Variants in SIRT5 observed in about 807,000 individuals in gnomAD.
SIRT5 encodes NAD-dependent protein deacylase sirtuin-5, mitochondrial.
SIRT5 carries 26 observed loss-of-function variants against 40.0 expected under a neutral mutation model. That is an observed-to-expected ratio of 0.65 (90% CI 0.48 to 0.90). The LOEUF is 0.90. Among genes scored for constraint, SIRT5 ranks in the 40% least tolerant of loss-of-function variants. The probability of loss-of-function intolerance (pLI) is 0.00; values close to 1 mark genes in which losing one functional copy is unlikely to be tolerated. For missense variants in SIRT5, 401 were observed against 402.4 expected (o/e 1.00, Z 0.03); for synonymous variants, 146 against 149.1 (o/e 0.98, Z 0.15).
chr6:13,585,408 A>C (rs1307587577), intron 3 of SIRT5, among the ~76,000 whole-genome samples: 2 of 146,166 alleles, frequency 1.4e-5, no homozygotes, highest in African/African-American at 2.6e-5. Flanking sequence ...CCACCCCCCG[A>C]CAGGCCCCAG....
chr6:13,604,821 G>C, intron 9 of SIRT5: 1 of 1,095,340 alleles, frequency 9.1e-7, no homozygotes, highest in Non-Finnish European at 1.1e-6. Flanking sequence ...AAATTCTTCA[G>C]CTTCATATTG....
chr6:13,579,003 C>T (rs899762329), intron 1 of SIRT5, among the ~76,000 whole-genome samples: 3 of 152,142 alleles, frequency 2.0e-5, no homozygotes, highest in Non-Finnish European at 4.4e-5. Flanking sequence ...AGGCAGGAGT[C>T]TTCACCCAGG....
chr6:13,580,352 C>T (rs749128908), intron 2 of SIRT5, among the ~76,000 whole-genome samples: 23 of 152,032 alleles, frequency 1.5e-4, no homozygotes, highest in Non-Finnish European at 2.5e-4. Flanking sequence ...GTAAAATTCA[C>T]GCTTTTTATT....
chr6:13,589,738 C>T (rs1045922875), intron 4 of SIRT5, among the ~76,000 whole-genome samples: 4 of 152,068 alleles, frequency 2.6e-5, no homozygotes, highest in African/African-American at 9.7e-5. Context: ...ACATTAGGGG[C>T]CAGCAAGAAA....
chr6:13,597,451 AAAGG>A (rs1761723166), intron 7 of SIRT5, among the ~76,000 whole-genome samples: 1 of 151,912 alleles, frequency 6.6e-6, no homozygotes, highest in Non-Finnish European at 1.5e-5. Flanking sequence ...AAAAAAAAAA[AAAGG>A]AAGATTTTTA....
intron 9 of SIRT5, chr6:13,605,127 A>G (rs1762930902): frequency 4.1e-6 from 4 of 985,528 alleles, no homozygotes; most frequent in African/African-American, 1.7e-5. Context: ...GCAGAATTGT[A>G]TATCTCGTGC....
intron 9 of SIRT5, among the ~76,000 whole-genome samples, chr6:13,602,416 C>T (rs1762510904): frequency 6.6e-6 from 1 of 151,758 alleles, no homozygotes; most frequent in African/African-American, 2.4e-5. Flanking sequence ...AGGAGAATCG[C>T]TTGAACCTGG....
chr6:13,592,568 C>G (rs189922003), intron 5 of SIRT5, among the ~76,000 whole-genome samples: 1 of 151,828 alleles, frequency 6.6e-6, no homozygotes, highest in Admixed American at 6.6e-5. Flanking sequence ...GTCGGTGGAC[C>G]CCACTGAGGC....
rs199914953 is a variant in SIRT5, at chr6:13,582,171, A to AC, written c.-35-1905_-35-1904insC. Among the ~76,000 whole-genome samples, 1,331 of 152,282 alleles carry AC rather than the reference A, an allele frequency of 8.7e-3. 27 individuals are homozygous for AC. Among genetic ancestry groups the AC allele is most frequent in the African/African-American group, 0.03 (1,265 of 41,554 alleles). Reference sequence around the variant, plus strand: ...ACTGGAAGGCATTGATAATCCAAACAATATATAAACACATATGGAAAATCC... The same window carrying AC: ...ACTGGAAGGCATTGATAATCCAAACACATATATAAACACATATGGAAAATCC... On this transcript the variant is annotated intron_variant, in intron 2 of 9. Transcript: ENST00000606117.
chr6:13,592,987 C>T (rs1399590839), intron 5 of SIRT5, among the ~76,000 whole-genome samples: 2 of 148,086 alleles, frequency 1.4e-5, no homozygotes, highest in Non-Finnish European at 3.0e-5. Flanking sequence ...GATCATAGCT[C>T]ATTGCAGCCT....
At chr6:13,610,464 C>A (rs969648676) in intron 9 of SIRT5, among the ~76,000 whole-genome samples, 3 of 152,212 alleles carry the variant, frequency 2.0e-5, no homozygotes, top group Non-Finnish European at 4.4e-5. Context: ...CAGATCTACA[C>A]CAGTATTCCA....
At chr6:13,579,841 T>C (rs986511650) in intron 2 of SIRT5, among the ~76,000 whole-genome samples, 6 of 152,244 alleles carry the variant, frequency 3.9e-5, no homozygotes, top group South Asian at 2.1e-4. Flanking sequence ...TTGTATATGT[T>C]TAAGTTTTTC....
chr6:13,601,323 G>A (rs757684005), intron 9 of SIRT5, among the ~76,000 whole-genome samples: 30 of 152,152 alleles, frequency 2.0e-4, no homozygotes, highest in Non-Finnish European at 3.1e-4. Context: ...ATCACCTGCC[G>A]TTCTTACTGG....
intron 5 of SIRT5, among the ~76,000 whole-genome samples, chr6:13,593,394 C>G (rs950042583): frequency 4.6e-5 from 7 of 152,140 alleles, no homozygotes; most frequent in African/African-American, 1.2e-4. Flanking sequence ...ACCTATTAAC[C>G]GAGCATCTTT....
Position 13,609,498 on chromosome 6 carries a change from C to T in SIRT5, c.858-2292C>T, listed in dbSNP as rs1175888641. Among the ~76,000 whole-genome samples, 3 of 152,314 alleles carry T rather than the reference C, an allele frequency of 2.0e-5. No homozygotes were observed. In the East Asian group the frequency reaches 5.8e-4, roughly 29 times the overall value. On this transcript the variant is annotated intron_variant, in intron 9 of 9. Coordinates refer to ENST00000606117, the MANE Select transcript of SIRT5 (RefSeq NM_012241.5). ...TGGCTGGCAAAGTAGGCCAGGGTCCCACTTCCCCAGAAACTATAATACCAA... is the reference window on the plus strand; with the variant it reads ...TGGCTGGCAAAGTAGGCCAGGGTCCTACTTCCCCAGAAACTATAATACCAA...
intron 7 of SIRT5, among the ~76,000 whole-genome samples, chr6:13,598,510 C>G (rs572805964): frequency 6.6e-6 from 1 of 152,184 alleles, no homozygotes; most frequent in East Asian, 1.9e-4. Context: ...GTCAGCACAT[C>G]AAGTACATAC....
Position 13,584,201 on chromosome 6 carries a change from C to G in SIRT5, c.91C>G (p.Leu31Val). The G allele has an allele frequency of 6.2e-7, 1 of 1,614,134 alleles. No individual in the cohort carries two copies. Among genetic ancestry groups the G allele is most frequent in the Non-Finnish European group, 8.5e-7 (1 of 1,179,992 alleles). ...PPASTRNQIC[L>V]KMARPSSSMA... ...AGCGTCCACACGAAACCAGATTTGC[C>G]TGAAAATGGCTCGGCCAAGTTCAAG... is the stretch of plus-strand genomic sequence containing the variant. Residue 31 changes from leucine to valine, a missense_variant, in exon 3 of 10, where the codon CTG (leucine) becomes GTG (valine). Physicochemically the swap from Leu to Val is conservative, Grantham distance 32. Transcript: ENST00000606117.
At chr6:13,605,244 C>G in intron 9 of SIRT5, 10 of 901,960 alleles carry the variant, frequency 1.1e-5, no homozygotes, top group Non-Finnish European at 1.3e-5. Context: ...TTCATTGGAA[C>G]ACAGCTGTGG....
At chr6:13,609,514 A>G (rs75817464) in intron 9 of SIRT5, among the ~76,000 whole-genome samples, 1,756 of 152,316 alleles carry the variant, frequency 0.012, 44 homozygotes, top group African/African-American at 0.04. Flanking sequence ...CCCAGAAACT[A>G]TAATACCAAG....
Sources: gnomAD v4.1 joint callset for allele counts (sites outside exome capture counted in the v4.1 genomes callset) on GRCh38, gnomAD v4.1.1 for gene constraint, MANE v1.5 for transcripts, NCBI Gene and HGNC (gene_info 2026-07-23, HGNC 2026-07-21) for gene names.